Variants in COLEC10 observed in about 807,000 individuals in gnomAD.
COLEC10 encodes the protein collectin subfamily member 10, also known as collectin-10.
A neutral mutation model predicts 28.4 loss-of-function variants in COLEC10; 22 were observed. That is an observed-to-expected ratio of 0.78 (90% CI 0.55 to 1.11). COLEC10 has a LOEUF of 1.11. COLEC10 is among the 50% of genes least tolerant of loss of function. The pLI, the probability that COLEC10 is intolerant of heterozygous loss-of-function variation, is 0.00. For synonymous variants in COLEC10, 125 were observed against 116.1 expected, an observed-to-expected ratio of 1.08 and a Z score of -0.49; for missense variants, 361 against 344.1, an observed-to-expected ratio of 1.05 and a Z score of -0.39.
the COLEC10 span, among the ~76,000 whole-genome samples, chr8:118,966,989 T>C: frequency 3.3e-5 from 5 of 152,108 alleles, no homozygotes; most frequent in Non-Finnish European, 7.4e-5. Flanking sequence ...CTTTTGTTGA[T>C]CAACTTTTTA....
At chr8:119,104,136 G>T (rs1302387776) in intron 5 of COLEC10, among the ~76,000 whole-genome samples, 2 of 152,118 alleles carry the variant, frequency 1.3e-5, no homozygotes, top group Admixed American at 1.3e-4. Context: ...TTTCTTAGGT[G>T]AGGGGAATGG....
In COLEC10 at chr8:119,061,217, GACTA is replaced by G. The variant is rs199500084; in HGVS notation, n.236-28461_236-28458del. Among the ~76,000 whole-genome samples the G allele has an allele frequency of 4.5e-3, 678 of 151,992 alleles. 6 individuals are homozygous for G. Among genetic ancestry groups the G allele is most frequent in the South Asian group, 0.02 (98 of 4,812 alleles). On this transcript the variant is annotated intron_variant and non_coding_transcript_variant, in intron 2 of 6. Transcript: ENST00000521788. ...TGGAGAAATACACCAGAAATTAGAA[GACTA>G]ATCCAAAAGATCCAATATCCCATTG...
At chr8:119,089,892 C>T in intron 2 of COLEC10, 141 bp downstream of exon 2, 1 of 657,014 alleles carries the variant, frequency 1.5e-6, no homozygotes, top group Admixed American at 2.6e-5. Flanking sequence ...CATGAATTAA[C>T]TCGCCATCTG....
At chr8:118,988,597 G>A in the COLEC10 span, among the ~76,000 whole-genome samples, 1 of 152,134 alleles carries the variant, frequency 6.6e-6, no homozygotes, top group African/African-American at 2.4e-5. Context: ...TCACTGCCCT[G>A]AGTCACAGAC....
intron 2 of COLEC10, among the ~76,000 whole-genome samples, chr8:119,039,104 G>A (rs529684634): frequency 1.3e-5 from 2 of 152,158 alleles, no homozygotes; most frequent in African/African-American, 4.8e-5. Context: ...CTCTCACCAT[G>A]TTCTCTCTTA....
intron 1 of COLEC10, among the ~76,000 whole-genome samples, chr8:119,082,110 G>T (rs1256328649): frequency 2.0e-5 from 3 of 152,202 alleles, no homozygotes; most frequent in Non-Finnish European, 4.4e-5. Flanking sequence ...GAGTGAGGAA[G>T]CTGATTCGGG....
chr8:119,104,311 A>G (rs1217718727), intron 5 of COLEC10, among the ~76,000 whole-genome samples: 2 of 152,282 alleles, frequency 1.3e-5, no homozygotes, highest in Non-Finnish European at 2.9e-5. Context: ...GAGTTTACAT[A>G]ATTGTTTATG....
At chr8:119,046,720 C>G (rs1457718606) in intron 2 of COLEC10, among the ~76,000 whole-genome samples, 1 of 152,120 alleles carries the variant, frequency 6.6e-6, no homozygotes, top group Non-Finnish European at 1.5e-5. Flanking sequence ...CCTGGAATTC[C>G]AAATGATTAT....
chr8:119,012,244 T>C (rs573126307), intron 2 of COLEC10, among the ~76,000 whole-genome samples: 1 of 151,072 alleles, frequency 6.6e-6, no homozygotes, highest in East Asian at 1.9e-4. Flanking sequence ...TTTTATTCTT[T>C]ATCCTGTTAT....
chr8:118,971,422 C>T, the COLEC10 span, among the ~76,000 whole-genome samples: 4 of 151,972 alleles, frequency 2.6e-5, no homozygotes, highest in Non-Finnish European at 5.9e-5. Context: ...AGTGGTAACA[C>T]ACTCAGGGTA....
the COLEC10 span, among the ~76,000 whole-genome samples, chr8:118,984,986 G>A: frequency 6.6e-5 from 10 of 151,968 alleles, no homozygotes; most frequent in Non-Finnish European, 1.2e-4. Context: ...GCACGGGAAC[G>A]ACCCACCCTG....
chr8:118,984,578 C>T, the COLEC10 span, among the ~76,000 whole-genome samples: 601 of 152,048 alleles, frequency 4.0e-3, 19 homozygotes, highest in East Asian at 0.074. Flanking sequence ...TCCTGTGGCT[C>T]GTGTTTTGAT....
chr8:119,069,629 AATAT>A (rs1207445435), intron 1 of COLEC10, among the ~76,000 whole-genome samples: 720 of 42,484 alleles, frequency 0.017, 10 homozygotes, highest in East Asian at 0.067. Flanking sequence ...AAAAAAAAAA[AATAT>A]ATATATATAT....
At chr8:119,069,772 G>A (rs1256110434) in intron 1 of COLEC10, among the ~76,000 whole-genome samples, 1 of 150,426 alleles carries the variant, frequency 6.6e-6, no homozygotes, top group Non-Finnish European at 1.5e-5. Flanking sequence ...AAAAAGAATA[G>A]TATGATGGTT....
At chr8:118,954,332 T>G in the COLEC10 span, among the ~76,000 whole-genome samples, 1 of 152,260 alleles carries the variant, frequency 6.6e-6, no homozygotes, top group African/African-American at 2.4e-5. Context: ...AGACCATGAA[T>G]TATCAGTCAT....
intron 3 of COLEC10, 44 bp downstream of exon 3, chr8:119,091,264 T>A (rs1815587758): frequency 2.1e-6 from 3 of 1,460,784 alleles, no homozygotes; most frequent in Non-Finnish European, 2.9e-6. Flanking sequence ...TCAAAGCAAA[T>A]TGAGGCCGGG....
At chr8:119,090,331 T>G (rs1435737760) in intron 2 of COLEC10, among the ~76,000 whole-genome samples, 1 of 151,748 alleles carries the variant, frequency 6.6e-6, no homozygotes, top group African/African-American at 2.4e-5. Context: ...AAGTTGGGAG[T>G]TGGCCTCACC....
At chr8:119,089,607 A>T in intron 1 of COLEC10, 73 bp from the exon 2 acceptor site, 2 of 1,228,758 alleles carry the variant, frequency 1.6e-6, no homozygotes, top group South Asian at 1.3e-5. Context: ...AACCATGTCC[A>T]CCTTACCCTG....
intron 3 of COLEC10, among the ~76,000 whole-genome samples, chr8:119,092,252 G>A (rs544550524): frequency 6.6e-6 from 1 of 151,842 alleles, no homozygotes; most frequent in Admixed American, 6.6e-5. Flanking sequence ...TGTATTTTTA[G>A]TAGAGACAGG....
Sources: allele counts gnomAD v4.1 joint callset (sites outside exome capture counted in the v4.1 genomes callset), GRCh38; gene constraint gnomAD v4.1.1; transcripts MANE v1.5; gene names NCBI Gene and HGNC (gene_info 2026-07-23, HGNC 2026-07-21).